Variants in AATF observed in about 807,000 individuals in gnomAD.
AATF encodes the protein protein AATF.
In AATF, 48 loss-of-function variants were observed where a neutral mutation model predicts 63.7. The ratio of observed to expected loss-of-function variants is 0.75; its 90% CI spans 0.60 to 0.96. The LOEUF (loss-of-function observed/expected upper bound fraction) is 0.96, where lower values mean the gene tolerates loss of function less well. AATF is among the 40% of genes least tolerant of loss of function. The probability of loss-of-function intolerance (pLI) is 0.00; values close to 1 mark genes in which losing one functional copy is unlikely to be tolerated. For synonymous variants in AATF, 258 were observed against 247.7 expected (o/e 1.04, Z -0.39); for missense variants, 639 against 685.7 (o/e 0.93, Z 0.76).
intron 9 of AATF, among the ~76,000 whole-genome samples, chr17:37,019,477 C>A (rs964166278): frequency 6.6e-6 from 1 of 152,124 alleles, no homozygotes; most frequent in Admixed American, 6.5e-5. Flanking sequence ...TAGAGTCTGC[C>A]CTAATTTAGA....
Position 37,006,586 on chromosome 17 carries a change from T to A in AATF, c.1399-12419T>A, listed in dbSNP as rs1352947673. On this transcript the variant is annotated intron_variant, in intron 8 of 11. Coordinates refer to ENST00000619387, the MANE Select transcript of AATF (RefSeq NM_012138.4). ...GCATTTGAATTGCTTTAATTCTTAC[T>A]CTGTCTTCACTCATCAGGGCCTAAT... Among the ~76,000 whole-genome samples the A allele has an allele frequency of 9.2e-5, 14 of 152,372 alleles. 1 individual carries two copies. In the East Asian group the frequency reaches 2.5e-3, roughly 27 times the overall value.
At chr17:37,001,724 C>T (rs1319409216) in intron 8 of AATF, among the ~76,000 whole-genome samples, 1 of 152,162 alleles carries the variant, frequency 6.6e-6, no homozygotes, top group Non-Finnish European at 1.5e-5. Context: ...TAACGTCATA[C>T]TCACTGACCA....
At chr17:37,032,810 G>A (rs576171304) in intron 11 of AATF, among the ~76,000 whole-genome samples, 9 of 152,118 alleles carry the variant, frequency 5.9e-5, no homozygotes, top group Admixed American at 1.3e-4. Context: ...TTTCAATGAC[G>A]AAATAATATT....
At chr17:37,018,054 C>A (rs959399492) in intron 8 of AATF, among the ~76,000 whole-genome samples, 2 of 152,180 alleles carry the variant, frequency 1.3e-5, no homozygotes, top group South Asian at 4.1e-4. Context: ...TTTATCTTAG[C>A]GTCTTCTCTT....
In AATF at chr17:37,052,948, G is replaced by A. The variant is rs370778747; in HGVS notation, c.1620-3653G>A. 5.9e-5 allele frequency among the ~76,000 whole-genome samples: 9 copies of A among 152,336 alleles called. No individual in the cohort carries two copies. In the East Asian group the frequency reaches 1.2e-3, roughly 20 times the overall value. On this transcript the variant is annotated intron_variant, in intron 11 of 11. Coordinates refer to ENST00000619387, the MANE Select transcript of AATF (RefSeq NM_012138.4). ...GAATTGAGTTGGCAGTTGGTTGACC[G>A]TTAGGACTAATGTTTGGGGACGAGT...
rs552797291 is a variant in AATF, at chr17:36,968,865, C to T, written c.832+14958C>T. Among the ~76,000 whole-genome samples, 10 of 152,218 alleles carry T rather than the reference C, an allele frequency of 6.6e-5. No individual in the cohort carries two copies. The East Asian group carries it at 1.2e-3, about 18-fold the overall frequency. ...GAACTCCTGGCTTCGAGTGATCAAG[C>T]GATCCTTCTGCCTCAGCCTCCCAAA... On this transcript the variant is annotated intron_variant, in intron 4 of 11. Coordinates refer to ENST00000619387, the MANE Select transcript of AATF (RefSeq NM_012138.4).
intron 4 of AATF, among the ~76,000 whole-genome samples, chr17:36,975,611 A>G (rs1233481139): frequency 1.3e-5 from 2 of 152,188 alleles, no homozygotes; most frequent in African/African-American, 2.4e-5. Context: ...CCTATTATAA[A>G]CAATGCTGCA....
At chr17:37,056,442 T>A (rs2071798755) in intron 11 of AATF, 159 bp from the exon 12 acceptor site, 1 of 669,896 alleles carries the variant, frequency 1.5e-6, no homozygotes, top group African/African-American at 1.8e-5. Flanking sequence ...TTCTTCCTTC[T>A]GTTGTATTTG....
chr17:37,034,573 A>G (rs756303269), intron 11 of AATF: 9 of 152,132 alleles, frequency 5.9e-5, no homozygotes, highest in Non-Finnish European at 1.0e-4. Context: ...AATTTTTTAA[A>G]CTGATTTCAA....
At chr17:36,965,128 G>T (rs1029192468) in intron 4 of AATF, among the ~76,000 whole-genome samples, 1 of 152,168 alleles carries the variant, frequency 6.6e-6, no homozygotes, top group South Asian at 2.1e-4. Flanking sequence ...GCCTGTTACT[G>T]GTTTCCTCTT....
At chr17:37,014,471 A>G (rs146347127) in intron 8 of AATF, among the ~76,000 whole-genome samples, 1 of 152,292 alleles carries the variant, frequency 6.6e-6, no homozygotes, top group East Asian at 1.9e-4. Flanking sequence ...TGGGACAGGT[A>G]AAGTGCTAGT....
chr17:37,039,110 C>G (rs918443045), intron 11 of AATF, among the ~76,000 whole-genome samples: 2 of 152,190 alleles, frequency 1.3e-5, no homozygotes, highest in Non-Finnish European at 2.9e-5. Flanking sequence ...TCTTGCTCCC[C>G]CCTACCTATA....
At chr17:36,962,736 A>G (rs1040640840) in intron 4 of AATF, among the ~76,000 whole-genome samples, 1 of 152,182 alleles carries the variant, frequency 6.6e-6, no homozygotes, top group Non-Finnish European at 1.5e-5. Flanking sequence ...CACTATATTC[A>G]TGGTGAAGTT....
At chr17:36,987,181 G>C (rs1219029317) in intron 5 of AATF, among the ~76,000 whole-genome samples, 1 of 148,234 alleles carries the variant, frequency 6.7e-6, no homozygotes, top group Non-Finnish European at 1.5e-5. Flanking sequence ...TGTAGAGACA[G>C]GGTCTTGCTG....
intron 5 of AATF, among the ~76,000 whole-genome samples, chr17:36,987,284 C>T (rs578253812): frequency 7.2e-5 from 11 of 152,080 alleles, no homozygotes; most frequent in African/African-American, 1.9e-4. Context: ...GGCCACTTCA[C>T]CTGGCCAAAA....
intron 4 of AATF, among the ~76,000 whole-genome samples, chr17:36,956,220 G>A (rs2070898711): frequency 6.6e-6 from 1 of 152,222 alleles, no homozygotes; most frequent in Admixed American, 6.5e-5. Context: ...TTGTGGTGGA[G>A]GAGGGAGAAG....
At chr17:36,985,524 T>C (rs1011020066) in intron 4 of AATF, among the ~76,000 whole-genome samples, 2 of 150,018 alleles carry the variant, frequency 1.3e-5, no homozygotes, top group African/African-American at 2.5e-5. Flanking sequence ...ACTCAAGCAG[T>C]CCTCCCCGAG....
rs1383355170 is a variant in AATF at position 36,988,656 on chromosome 17, A to G, written c.1085A>G (p.Tyr362Cys). 1.9e-6 allele frequency: 3 copies of G among 1,614,160 alleles called. No individual in the cohort carries two copies. The highest frequency in any genetic ancestry group is 2.2e-5 in the South Asian group (2 of 91,078). Residue 362 changes from tyrosine to cysteine, a missense_variant, in exon 6 of 12, where the codon TAC becomes TGC. Tyr to Cys is a radical substitution (Grantham distance 194, BLOSUM62 -2). Coordinates refer to ENST00000619387, the MANE Select transcript of AATF (RefSeq NM_012138.4). The part of the protein sequence containing the change: ...MAKRFADFTV[Y>C]RNRTLQKWHD... ...AAGCGCTTTGCCGACTTTACAGTCTACAGGAACCGCACACTTCAGAAATGG... is the reference window on the plus strand; with the variant it reads ...AAGCGCTTTGCCGACTTTACAGTCTGCAGGAACCGCACACTTCAGAAATGG...
chr17:37,025,554 G>T (rs192186021), intron 10 of AATF, among the ~76,000 whole-genome samples: 11 of 152,268 alleles, frequency 7.2e-5, no homozygotes, highest in African/African-American at 2.6e-4. Context: ...TTAGTAAGGG[G>T]TCAGGAGCGC....
Sources: gnomAD v4.1 joint callset for allele counts (sites outside exome capture counted in the v4.1 genomes callset) on GRCh38, gnomAD v4.1.1 for gene constraint, MANE v1.5 for transcripts, NCBI Gene and HGNC (gene_info 2026-07-23, HGNC 2026-07-21) for gene names.